The following BCOR variants were observed in gnomAD, a reference collection of about 807,000 sequenced individuals.
The protein encoded by BCOR is BCL6 corepressor, also known as BCL-6 corepressor.
A neutral mutation model predicts 86.7 loss-of-function variants in BCOR; 10 were observed. The ratio of observed to expected loss-of-function variants is 0.12; its 90% CI spans 0.07 to 0.20. BCOR has a LOEUF of 0.20. Among genes scored for constraint, BCOR ranks in the 10% least tolerant of loss-of-function variants. The probability of loss-of-function intolerance (pLI) is 1.00; values close to 1 mark genes in which losing one functional copy is unlikely to be tolerated. For missense variants in BCOR, 1,259 were observed against 1,452.1 expected (o/e 0.87, Z 2.16); for synonymous variants, 611 against 609.0 (o/e 1.00, Z -0.05).
intron 1 of BCOR, among the ~76,000 whole-genome samples, chrX:40,169,282 T>C (rs758231252): frequency 8.9e-6 from 1 of 112,292 alleles, no homozygotes; most frequent in African/African-American, 3.2e-5. Flanking sequence ...GGATTCGCTC[T>C]AGGAGAAACA....
At chrX:40,138,024 C>G (rs1937723215) in intron 1 of BCOR, among the ~76,000 whole-genome samples, 1 of 111,338 alleles carries the variant, frequency 9.0e-6, no homozygotes. Flanking sequence ...GCTATCTTGG[C>G]TCACCACAAC....
intron 1 of BCOR, among the ~76,000 whole-genome samples, chrX:40,106,422 T>G (rs1210077449): frequency 1.8e-5 from 2 of 111,989 alleles, no homozygotes; most frequent in Non-Finnish European, 3.8e-5. Context: ...CCCGCCTGTC[T>G]GGCTGCTAAT....
At position 40,151,087 on chromosome X, in the gene BCOR, C is replaced by T. The variant is rs140236887; in HGVS notation, c.-41+25920G>A. ...AGGGCCTCCTGGTACAAGCATAGAACTGACCCAGCATGGGGGAGTTGTACC... is the reference window on the plus strand; with the variant it reads ...AGGGCCTCCTGGTACAAGCATAGAATTGACCCAGCATGGGGGAGTTGTACC... On this transcript the variant is annotated intron_variant, in intron 1 of 14. Coordinates refer to the BCOR transcript ENST00000342274. Among the ~76,000 whole-genome samples, 596 of 111,898 alleles carry T rather than the reference C, an allele frequency of 5.3e-3. 5 individuals carry two copies. Among genetic ancestry groups the T allele is most frequent in the Non-Finnish European group, 9.2e-3 (490 of 53,082 alleles).
chrX:40,161,328 T>A (rs1012900935), intron 1 of BCOR, among the ~76,000 whole-genome samples: 2 of 108,334 alleles, frequency 1.8e-5, no homozygotes, highest in Non-Finnish European at 3.8e-5. Context: ...TGCCTCAGCC[T>A]CCTGAGTAGC....
chrX:40,101,084 G>T (rs1283429249), upstream of BCOR, among the ~76,000 whole-genome samples: 1 of 110,289 alleles, frequency 9.1e-6, no homozygotes, highest in South Asian at 3.9e-4. Flanking sequence ...AAGGCAGAGG[G>T]GGGGAGGGGA....
chrX:40,104,835 G>C (rs1257866796), intron 1 of BCOR, among the ~76,000 whole-genome samples: 1 of 112,534 alleles, frequency 8.9e-6, no homozygotes, highest in African/African-American at 3.2e-5. Context: ...GCTGACAGCC[G>C]GGCCTCACGT....
chrX:40,100,770 G>A (rs181330373), upstream of BCOR, among the ~76,000 whole-genome samples: 486 of 108,994 alleles, frequency 4.5e-3, 3 homozygotes, highest in African/African-American at 0.016. Context: ...TGGTGGGGGT[G>A]CTGTAAATGC....
intron 1 of BCOR, among the ~76,000 whole-genome samples, chrX:40,109,605 C>A (rs1937262912): frequency 9.0e-6 from 1 of 110,784 alleles, no homozygotes. Context: ...CCCTCCGGGG[C>A]CCGGACGGGG....
At chrX:40,162,360 A>C (rs1938439210) in intron 1 of BCOR, among the ~76,000 whole-genome samples, 1 of 111,650 alleles carries the variant, frequency 9.0e-6, no homozygotes, top group Non-Finnish European at 1.9e-5. Flanking sequence ...CCATCCCCTG[A>C]ATGTCGCTTA....
chrX:40,138,349 T>C (rs191317390), intron 1 of BCOR, among the ~76,000 whole-genome samples: 67 of 111,714 alleles, frequency 6.0e-4, no homozygotes, highest in African/African-American at 2.1e-3. Flanking sequence ...TAGGCAATCC[T>C]CTCAGGCGAG....
At chrX:40,061,945 A>T in intron 10 of BCOR, among the ~76,000 whole-genome samples, 194 bp downstream of exon 10, 1 of 110,453 alleles carries the variant, frequency 9.1e-6, no homozygotes, top group Non-Finnish European at 1.9e-5. Flanking sequence ...CTTTCTTTCC[A>T]CACCGCGATT....
intron 1 of BCOR, among the ~76,000 whole-genome samples, chrX:40,090,179 C>T (rs1322887202): frequency 8.9e-6 from 1 of 112,874 alleles, no homozygotes; most frequent in East Asian, 2.8e-4. Flanking sequence ...CGGCCCTGGA[C>T]TGGTTACTCC....
chrX:40,143,430 A>G (rs986713463), intron 1 of BCOR, among the ~76,000 whole-genome samples: 1 of 112,209 alleles, frequency 8.9e-6, no homozygotes, highest in Non-Finnish European at 1.9e-5. Flanking sequence ...TAAACTAAAC[A>G]CCAAGCCAAC....
intron 1 of BCOR, among the ~76,000 whole-genome samples, chrX:40,123,684 C>T (rs1216625918): frequency 9.0e-6 from 1 of 110,849 alleles, no homozygotes; most frequent in Non-Finnish European, 1.9e-5. Context: ...TCTGATTTCT[C>T]TTGGGGTGGC....
At chrX:40,064,271 C>A in intron 7 of BCOR, 65 bp downstream of exon 7, 1 of 1,198,061 alleles carries the variant, frequency 8.3e-7, no homozygotes. Context: ...CATCTCCTGT[C>A]CATCCACTGT....
Position 40,074,969 on chromosome X carries a change from G to A in BCOR, c.377C>T (p.Pro126Leu), listed in dbSNP as rs1358504792. ...SERNPEMQFK[P>L]NTPETVEASA... The stretch of plus-strand genomic sequence containing the variant: ...AGCCTCCACTGTCTCGGGTGTATTC[G>A]GTTTGAACTGCATCTCTGGATTTCT... The change falls in exon 4 of 15, where the codon CCG becomes CTG. Residue 126 changes from proline (P) to leucine (L), a missense_variant. Pro to Leu is a moderately conservative substitution (Grantham distance 98). Around this residue, in one of 7 missense-constraint regions of BCOR, gnomAD observed 174 missense variants for 189.3 expected, o/e 0.92. Coordinates refer to ENST00000378444, the MANE Select transcript of BCOR (RefSeq NM_001123385.2). The A allele has an allele frequency of 9.9e-6, 12 of 1,208,321 alleles. No individual in the cohort carries two copies. Among genetic ancestry groups the A allele is most frequent in the South Asian group, 1.8e-5 (1 of 56,606 alleles).
intron 1 of BCOR, among the ~76,000 whole-genome samples, chrX:40,156,974 G>T (rs987459137): frequency 2.6e-5 from 3 of 113,633 alleles, no homozygotes; most frequent in African/African-American, 6.4e-5. Flanking sequence ...TGCAGCTGAG[G>T]CTCCCTGGCC....
At chrX:40,166,746 G>A (rs189427285) in intron 1 of BCOR, among the ~76,000 whole-genome samples, 1 of 112,113 alleles carries the variant, frequency 8.9e-6, no homozygotes, top group Non-Finnish European at 1.9e-5. Context: ...AAGTGCATCT[G>A]GTTATGATTA....
Position 40,052,365 on chromosome X carries a change from T to C in BCOR, c.5012A>G (p.Lys1671Arg), listed in dbSNP as rs766235061. The change falls in exon 15 of 15, where the codon AAG becomes AGG. Residue 1671 changes from lysine to arginine, a missense_variant. Physicochemically the swap from Lys to Arg is conservative, Grantham distance 26. Coordinates refer to ENST00000378444, the MANE Select transcript of BCOR (RefSeq NM_001123385.2). ...RNWLLLSDVL[K>R]KLKMSSRIFR... ...TATGCGGGAGGACATTTTCAATTTC[T>C]TAAGGACATCCGAAAGCAGTAGCCA... The C allele has an allele frequency of 8.3e-7, 1 of 1,211,120 alleles. No homozygotes were observed. The highest frequency in any genetic ancestry group is 1.1e-6 in the Non-Finnish European group (1 of 895,022).
Sources: gnomAD v4.1 joint callset for allele counts (sites outside exome capture counted in the v4.1 genomes callset) on GRCh38, gnomAD v4.1.1 for gene constraint, gnomAD v4.1.1 regional missense constraint, MANE v1.5 for transcripts, NCBI Gene and HGNC (gene_info 2026-07-23, HGNC 2026-07-21) for gene names.